The following CARM1 variants were observed in gnomAD, a reference collection of about 807,000 sequenced individuals.
CARM1 encodes the protein coactivator associated arginine methyltransferase 1, also known as histone-arginine methyltransferase CARM1.
Under a neutral mutation model 72.7 loss-of-function variants are expected in CARM1, and 14 were observed. The observed-to-expected ratio is 0.19, with a 90% CI of 0.13 to 0.30. The LOEUF is 0.30. Ranked by LOEUF, CARM1 falls within the 10% of genes least tolerant of loss-of-function variation. CARM1 has a pLI of 1.00. For missense variants in CARM1, 432 were observed against 833.7 expected, an observed-to-expected ratio of 0.52 and a Z score of 5.93; for synonymous variants, 333 against 345.5, an observed-to-expected ratio of 0.96 and a Z score of 0.40.
rs367543735 is a variant in CARM1, at chr19:10,920,765, G to C, written c.1424+17G>C. On this transcript the variant is annotated intron_variant, in intron 12 of 15. Transcript: ENST00000327064. This position sits in a 1 kb window ranked among gnomAD's most constrained non-coding sequence, Gnocchi z 5.3. ...CTTCTTTAGGTAGGAGGGGCCCCTT[G>C]CCTGCACAGGGGGGCGCCCCGGCCC... 1 of 1,613,878 alleles carries C rather than the reference G, an allele frequency of 6.2e-7. No individual in the cohort carries two copies. Among genetic ancestry groups the C allele is most frequent in the Non-Finnish European group, 8.5e-7 (1 of 1,179,750 alleles).
chr19:10,914,817 A>C (rs1412424642), intron 6 of CARM1, among the ~76,000 whole-genome samples: 1 of 151,884 alleles, frequency 6.6e-6, no homozygotes, highest in Non-Finnish European at 1.5e-5. Context: ...CAGCCTCCCA[A>C]AGTGTTGGGA....
In CARM1 at chr19:10,896,615, C is replaced by T. The variant is rs142017143; in HGVS notation, c.221-8336C>T. 4.5e-4 allele frequency among the ~76,000 whole-genome samples: 68 copies of T among 152,318 alleles called. No individual in the cohort carries two copies. The highest frequency in any genetic ancestry group is 6.8e-3 in the Middle Eastern group (2 of 294). On this transcript the variant is annotated intron_variant, in intron 1 of 15. Coordinates refer to ENST00000327064, the MANE Select transcript of CARM1 (RefSeq NM_199141.2). The surrounding 1 kb of genome is among the most constrained non-coding windows in gnomAD (Gnocchi z 5.2). Reference sequence around the variant, plus strand: ...CAGCGCCCCTACCCACATCAACCCACGTTTCTTGGAGGTCTGTCCCAGTAG... The same window carrying T: ...CAGCGCCCCTACCCACATCAACCCATGTTTCTTGGAGGTCTGTCCCAGTAG...
Position 10,920,377 on chromosome 19 carries a change from G to A in CARM1, c.1197-59G>A. On this transcript the variant is annotated intron_variant, in intron 10 of 15. Transcript: ENST00000327064. This position sits in a 1 kb window ranked among gnomAD's most constrained non-coding sequence, Gnocchi z 5.3. ...TTGGGGAGGACTCAAGGCATACAAGGTGGTGGCTCCAGTGGTGGCGCCGGC... is the reference window on the plus strand; with the variant it reads ...TTGGGGAGGACTCAAGGCATACAAGATGGTGGCTCCAGTGGTGGCGCCGGC... The A allele has an allele frequency of 1.3e-6, 2 of 1,571,706 alleles. No homozygotes were observed. Among genetic ancestry groups the A allele is most frequent in the Admixed American group, 1.7e-5 (1 of 57,262 alleles).
chr19:10,914,262 C>T (rs1228816499), intron 6 of CARM1, among the ~76,000 whole-genome samples: 1 of 152,236 alleles, frequency 6.6e-6, no homozygotes, highest in African/African-American at 2.4e-5. Flanking sequence ...AGACACCCAG[C>T]TGCCCACTCG....
At position 10,891,909 on chromosome 19, in the gene CARM1, G is replaced by A. The variant is rs143554559; in HGVS notation, c.221-13042G>A. Among the ~76,000 whole-genome samples the A allele has an allele frequency of 4.9e-3, 744 of 152,278 alleles. 10 individuals are homozygous for A. The highest frequency in any genetic ancestry group is 0.017 in the African/African-American group (718 of 41,550). ...GCACGTTCACACAATGGCAAAGGAG[G>A]GTGCGGATTGAAAAGTATGACTTGC... On this transcript the variant is annotated intron_variant, in intron 1 of 15. Transcript: ENST00000327064.
chr19:10,914,272 G>T (rs745898268), intron 6 of CARM1, among the ~76,000 whole-genome samples: 1 of 152,160 alleles, frequency 6.6e-6, no homozygotes, highest in South Asian at 2.1e-4. Context: ...CTGCCCACTC[G>T]CCCAGACAGG....
Position 10,912,917 on chromosome 19 carries a change from C to G in CARM1, c.669+623C>G, listed in dbSNP as rs1022947910. Among the ~76,000 whole-genome samples, 5 of 152,182 alleles carry G rather than the reference C, an allele frequency of 3.3e-5. No individual in the cohort carries two copies. Among genetic ancestry groups the G allele is most frequent in the African/African-American group, 1.2e-4 (5 of 41,440 alleles). On this transcript the variant is annotated intron_variant, in intron 5 of 15. Coordinates refer to ENST00000327064, the MANE Select transcript of CARM1 (RefSeq NM_199141.2). This position sits in a 1 kb window ranked among gnomAD's most constrained non-coding sequence, Gnocchi z 4.5. ...CTGTCCTGAGCCCCTCTCCCACATG[C>G]GGTTGTGTCTGTAGGACACACCCTA...
intron 2 of CARM1, among the ~76,000 whole-genome samples, chr19:10,907,366 A>G (rs1400984957): frequency 1.3e-5 from 2 of 152,092 alleles, no homozygotes. Context: ...AAAGGGCCAC[A>G]TACCATTGCA....
rs567338682 is a variant in CARM1 at position 10,881,447 on chromosome 19, A to G, written c.220+9525A>G. 5.3e-5 allele frequency among the ~76,000 whole-genome samples: 8 copies of G among 152,282 alleles called. No homozygotes were observed. In the South Asian group the frequency reaches 1.7e-3, roughly 32 times the overall value. ...GTAAGGGATTGGGGGCTCTCTGCGC[A>G]GGGCCAGGACATCTCTCCAGGGACA... On this transcript the variant is annotated intron_variant, in intron 1 of 15. Transcript: ENST00000327064.
rs548222142 is a variant in CARM1 at position 10,922,745 on chromosome 19, G to GA, written c.*994dup. On this transcript the variant is annotated 3_prime_UTR_variant, in exon 16 of 16. Transcript: ENST00000327064. ...AAAAAAAGAAAAAAAGAAAAAGAAA[G>GA]AAAAAATAAATGAGGAAACGTGTTG... is the stretch of plus-strand genomic sequence containing the variant. 1 of 152,476 alleles carries GA rather than the reference G, an allele frequency of 6.6e-6. No homozygotes were observed. The allele number at this position is 152,476 out of a possible 1,614,324, so 9.4% of individuals were successfully genotyped here.
intron 3 of CARM1, 119 bp downstream of exon 3, chr19:10,908,264 C>G: frequency 3.0e-6 from 2 of 664,750 alleles, no homozygotes; most frequent in South Asian, 1.7e-5. Flanking sequence ...GGCTCTGTCC[C>G]TTACTGGCCA....
Position 10,921,011 on chromosome 19 carries a change from C to G in CARM1, c.1538-39C>G, listed in dbSNP as rs374396184. The G allele has an allele frequency of 8.7e-6, 14 of 1,613,064 alleles. No individual in the cohort carries two copies. The African/African-American group carries it at 1.9e-4, about 22-fold the overall frequency. ...GCCGCCCTCGCCGCAGGCCTGGCCC[C>G]TCTGCCTCCAGCCCTGACGTCTCCC... On this transcript the variant is annotated intron_variant, in intron 13 of 15. Coordinates refer to ENST00000327064, the MANE Select transcript of CARM1 (RefSeq NM_199141.2).
Position 10,920,031 on chromosome 19 carries a change from C to T in CARM1, c.1196+65C>T. 1 of 1,285,016 alleles carries T rather than the reference C, an allele frequency of 7.8e-7. No individual in the cohort carries two copies. Among genetic ancestry groups the T allele is most frequent in the African/African-American group, 1.5e-5 (1 of 68,840 alleles). The allele number at this position is 1,285,016 out of a possible 1,614,324, so 79.6% of individuals were successfully genotyped here. A position where few individuals can be genotyped will look rare whatever the true frequency, so the allele number is the denominator to read the frequency against. On this transcript the variant is annotated intron_variant, in intron 10 of 15. Coordinates refer to ENST00000327064, the MANE Select transcript of CARM1 (RefSeq NM_199141.2). The surrounding 1 kb of genome is among the most constrained non-coding windows in gnomAD (Gnocchi z 5.3). ...TCCCAGGGCTTCCTGCAGCTGCAAC[C>T]TGGCTGGGGGGGTGGAACATGGCTC...
At chr19:10,886,679 A>T (rs1480822520) in intron 1 of CARM1, among the ~76,000 whole-genome samples, 1 of 152,026 alleles carries the variant, frequency 6.6e-6, no homozygotes. Context: ...ATACAAAAAA[A>T]ATTTAGCCGG....
At chr19:10,895,837 G>A (rs2074020197) in intron 1 of CARM1, among the ~76,000 whole-genome samples, 1 of 152,172 alleles carries the variant, frequency 6.6e-6, no homozygotes, top group African/African-American at 2.4e-5. Flanking sequence ...GAGCTGCCAG[G>A]CAGTGAGGGC....
rs772740927 is a variant in CARM1, at chr19:10,912,391, G to A, written c.669+97G>A. On this transcript the variant is annotated intron_variant, in intron 5 of 15. Transcript: ENST00000327064. The surrounding 1 kb of genome is among the most constrained non-coding windows in gnomAD (Gnocchi z 4.5). Reference sequence around the variant, plus strand: ...AGCTTGGGAACCCCCAGGGGCCTGGGGACATTACTTCTGTGCTTTGGTCTC... The same window carrying A: ...AGCTTGGGAACCCCCAGGGGCCTGGAGACATTACTTCTGTGCTTTGGTCTC... 162 of 847,198 alleles carry A rather than the reference G, an allele frequency of 1.9e-4. No individual in the cohort carries two copies. Among genetic ancestry groups the A allele is most frequent in the Non-Finnish European group, 3.2e-4 (158 of 500,634 alleles). 52.5% of individuals were successfully genotyped at this position (847,198 alleles called of 1,614,324 possible).
rs2074247685 is a variant in CARM1 at position 10,921,446 on chromosome 19, A to G, written c.1684+3A>G. On this transcript the variant is annotated splice_donor_region_variant and intron_variant, in intron 15 of 15. Coordinates refer to ENST00000327064, the MANE Select transcript of CARM1 (RefSeq NM_199141.2). ...AATGAGCACGGGGATTGTCCAAGGT[A>G]ACGAGGGTGGCGGGGGCAGGGCCCG... 1 of 1,600,858 alleles carries G rather than the reference A, an allele frequency of 6.2e-7. No homozygotes were observed. The highest frequency in any genetic ancestry group is 1.8e-5 in the Admixed American group (1 of 56,902).
At chr19:10,902,629 A>T in intron 1 of CARM1, among the ~76,000 whole-genome samples, 1 of 139,826 alleles carries the variant, frequency 7.2e-6, no homozygotes. Flanking sequence ...TTTTTTTGAG[A>T]CATGCTCTTA....
intron 1 of CARM1, among the ~76,000 whole-genome samples, chr19:10,888,996 C>T (rs1184991875): frequency 1.3e-5 from 2 of 152,180 alleles, no homozygotes; most frequent in African/African-American, 4.8e-5. Context: ...AGGGAGCCCC[C>T]TACTGAGTGC....
Sources: allele counts gnomAD v4.1 joint callset (sites outside exome capture counted in the v4.1 genomes callset), GRCh38; gene constraint gnomAD v4.1.1; non-coding constraint Gnocchi (gnomAD v3.1); transcripts MANE v1.5; gene names NCBI Gene and HGNC (gene_info 2026-07-23, HGNC 2026-07-21).